Variants in OR56A3 observed in about 807,000 individuals in gnomAD.
The protein encoded by OR56A3 is olfactory receptor 56A3.
In OR56A3, 23 loss-of-function variants were observed where a neutral mutation model predicts 17.5. The ratio of observed to expected loss-of-function variants is 1.32; its 90% CI spans 0.95 to 1.87. OR56A3 has a LOEUF of 1.87. Among genes scored for constraint, OR56A3 ranks in the 40% most tolerant of loss-of-function variants. OR56A3 has a pLI of 0.00. For synonymous variants in OR56A3, 175 were observed against 150.6 expected, an observed-to-expected ratio of 1.16 and a Z score of -1.19; for missense variants, 366 against 380.1, an observed-to-expected ratio of 0.96 and a Z score of 0.31.
chr11:6,018,107 G>A, the OR56A3 span, among the ~76,000 whole-genome samples: 1 of 151,774 alleles, frequency 6.6e-6, no homozygotes, highest in Non-Finnish European at 1.5e-5. Context: ...ATTATTATTA[G>A]GTTGAAAGGG....
the OR56A3 span, among the ~76,000 whole-genome samples, chr11:5,961,120 C>T: frequency 2.6e-5 from 4 of 151,222 alleles, no homozygotes; most frequent in African/African-American, 4.9e-5. Flanking sequence ...CCAGCCGCCC[C>T]GTCCGGGAGG....
the OR56A3 span, chr11:5,994,343 A>G: frequency 1.2e-5 from 8 of 683,892 alleles, no homozygotes; most frequent in Non-Finnish European, 2.2e-5. Flanking sequence ...TGCTCTCCTC[A>G]ATCTGCTGAG....
chr11:6,010,764 A>T, the OR56A3 span, among the ~76,000 whole-genome samples: 1 of 152,116 alleles, frequency 6.6e-6, no homozygotes, highest in Non-Finnish European at 1.5e-5. Context: ...ATATCAAATC[A>T]TACCTATCTG....
At chr11:6,005,193 G>A in the OR56A3 span, among the ~76,000 whole-genome samples, 1 of 152,088 alleles carries the variant, frequency 6.6e-6, no homozygotes, top group Non-Finnish European at 1.5e-5. Context: ...TTGTGGGAGG[G>A]GAAAGGGGCT....
chr11:5,967,055 A>G, the OR56A3 span: 1 of 152,740 alleles, frequency 6.5e-6, no homozygotes, highest in Non-Finnish European at 1.5e-5. Context: ...TGAATGTCAC[A>G]TGTTATTCAC....
intron 2 of OR56A3, 35 bp from the exon 3 acceptor site, chr11:5,947,276 G>A (rs1847875426): frequency 1.5e-6 from 2 of 1,344,800 alleles, no homozygotes; most frequent in Non-Finnish European, 2.0e-6. Context: ...TGTGTATCAA[G>A]AATCCACAGC....
the OR56A3 span, chr11:6,002,421 G>A: frequency 6.2e-7 from 1 of 1,614,270 alleles, no homozygotes; most frequent in Non-Finnish European, 8.5e-7. Flanking sequence ...GTCATCACAA[G>A]AGAGTTTGGA....
chr11:5,973,335 G>A, the OR56A3 span, among the ~76,000 whole-genome samples: 1 of 152,074 alleles, frequency 6.6e-6, no homozygotes, highest in Non-Finnish European at 1.5e-5. Flanking sequence ...ATGGACTACT[G>A]AGAAATATAT....
the OR56A3 span, among the ~76,000 whole-genome samples, chr11:6,014,988 G>GTAAAAAAAAAAA: frequency 1.4e-4 from 1 of 7,118 alleles, no homozygotes; most frequent in Non-Finnish European, 2.5e-4. Flanking sequence ...ATATTCATGG[G>GTAAAAAAAAAAA]CAAAAAAAAA....
In OR56A3 at chr11:5,948,613, G is replaced by T. The variant is rs920010701; in HGVS notation, c.*319G>T. The T allele has an allele frequency of 7.1e-5, 18 of 251,880 alleles. No individual in the cohort carries two copies. Among genetic ancestry groups the T allele is most frequent in the African/African-American group, 3.5e-4 (16 of 45,238 alleles). 15.6% of individuals were successfully genotyped at this position (251,880 alleles called of 1,614,324 possible). A position where few individuals can be genotyped will look rare whatever the true frequency, so the allele number is the denominator to read the frequency against. ...CACAACTCAATATGTCATGAATTTT[G>T]TATCATTAAAAATACAACTGCGGTT... On this transcript the variant is annotated 3_prime_UTR_variant, in exon 3 of 3. Coordinates refer to ENST00000641160, the MANE Select transcript of OR56A3 (RefSeq NM_001003443.3).
chr11:6,002,265 G>A, the OR56A3 span: 32 of 1,614,044 alleles, frequency 2.0e-5, no homozygotes, highest in Admixed American at 2.3e-4. Flanking sequence ...GGAACCACAC[G>A]TGCTCAAGGC....
At chr11:5,994,245 T>C in the OR56A3 span, 4 of 560,458 alleles carry the variant, frequency 7.1e-6, no homozygotes, top group East Asian at 1.2e-4. Flanking sequence ...AGTCCAGGTC[T>C]ATCTCCAAAG....
At chr11:5,943,886 ATG>A (rs1450876974) in intron 1 of OR56A3, among the ~76,000 whole-genome samples, 1 of 152,250 alleles carries the variant, frequency 6.6e-6, no homozygotes, top group Non-Finnish European at 1.5e-5. Flanking sequence ...TAAAGGGAAT[ATG>A]TGGAATTTAA....
rs1288958816 is a variant in OR56A3 at position 5,950,628 on chromosome 11, C to A, written c.*2334C>A. On this transcript the variant is annotated 3_prime_UTR_variant, in exon 3 of 3. Transcript: ENST00000641160. ...CACATGTTGAAAAAGTAGAAACAGACAAAATTAGTTCTAATAAGATATTTT... is the reference window on the plus strand; with the variant it reads ...CACATGTTGAAAAAGTAGAAACAGAAAAAATTAGTTCTAATAAGATATTTT... 1 of 152,026 alleles carries A rather than the reference C, an allele frequency of 6.6e-6. No individual in the cohort carries two copies. The highest frequency in any genetic ancestry group is 6.6e-5 in the Admixed American group (1 of 15,262). The allele number at this position is 152,026 out of a possible 1,614,324, so 9.4% of individuals were successfully genotyped here. A position where few individuals can be genotyped will look rare whatever the true frequency, so the allele number is the denominator to read the frequency against.
At chr11:6,015,302 C>T in the OR56A3 span, among the ~76,000 whole-genome samples, 1 of 152,198 alleles carries the variant, frequency 6.6e-6, no homozygotes. Context: ...GGCTCTGCTG[C>T]CCTGCACAGC....
the OR56A3 span, among the ~76,000 whole-genome samples, chr11:5,997,501 C>G: frequency 6.6e-6 from 1 of 152,118 alleles, no homozygotes; most frequent in Non-Finnish European, 1.5e-5. Context: ...CCACAGCCCA[C>G]CAGGGCTAAG....
the OR56A3 span, among the ~76,000 whole-genome samples, chr11:6,008,639 G>A: frequency 7.3e-3 from 1,116 of 151,954 alleles, 9 homozygotes; most frequent in Non-Finnish European, 0.011. Flanking sequence ...GAAATATGAG[G>A]ATAATGAACC....
chr11:6,002,701 G>T, the OR56A3 span: 2 of 1,614,108 alleles, frequency 1.2e-6, no homozygotes, highest in Non-Finnish European at 1.7e-6. Context: ...AAGCAGGCTG[G>T]GAAGCTGATC....
chr11:6,019,728 A>G, the OR56A3 span: 1 of 152,172 alleles, frequency 6.6e-6, no homozygotes, highest in East Asian at 1.9e-4. Flanking sequence ...GTCAGGCAAC[A>G]GCATAACTAA....
Sources: allele counts gnomAD v4.1 joint callset (sites outside exome capture counted in the v4.1 genomes callset), GRCh38; gene constraint gnomAD v4.1.1; transcripts MANE v1.5; gene names NCBI Gene and HGNC (gene_info 2026-07-23, HGNC 2026-07-21).